Variants in FHIT observed in about 807,000 individuals in gnomAD.
The protein encoded by FHIT is bis(5'-adenosyl)-triphosphatase.
In FHIT, 19 loss-of-function variants were observed where a neutral mutation model predicts 17.9. That is an observed-to-expected ratio of 1.06 (90% CI 0.74 to 1.56). The LOEUF (loss-of-function observed/expected upper bound fraction) is 1.56. FHIT is among the 40% of genes most tolerant of loss of function. The pLI is 0.00. For missense variants in FHIT, 248 were observed against 189.2 expected, an observed-to-expected ratio of 1.31 and a Z score of -1.82; for synonymous variants, 81 against 69.7, an observed-to-expected ratio of 1.16 and a Z score of -0.81.
chr3:61,217,066 G>A (rs1012639529), intron 1 of FHIT, among the ~76,000 whole-genome samples: 3 of 151,994 alleles, frequency 2.0e-5, no homozygotes, highest in African/African-American at 7.3e-5. Context: ...AATGAGTGCA[G>A]CACACCAGCA....
intron 4 of FHIT, among the ~76,000 whole-genome samples, chr3:60,733,189 G>A (rs78937125): frequency 0.012 from 1,882 of 152,232 alleles, 28 homozygotes; most frequent in Admixed American, 0.045. Flanking sequence ...TGAAGACTGC[G>A]ACAAACCACT....
At chr3:61,230,339 G>A (rs1017034497) in intron 1 of FHIT, among the ~76,000 whole-genome samples, 2 of 152,064 alleles carry the variant, frequency 1.3e-5, no homozygotes, top group Admixed American at 1.3e-4. Context: ...TTGTGCAAAG[G>A]TGTATGGCAC....
At chr3:60,365,966 T>C (rs1308389362) in intron 5 of FHIT, among the ~76,000 whole-genome samples, 2 of 152,224 alleles carry the variant, frequency 1.3e-5, no homozygotes, top group Non-Finnish European at 2.9e-5. Context: ...TATTTAGAAA[T>C]CATTTTGCCT....
chr3:59,928,110 C>G (rs192122915), intron 7 of FHIT, among the ~76,000 whole-genome samples: 1 of 152,314 alleles, frequency 6.6e-6, no homozygotes, highest in East Asian at 1.9e-4. Context: ...CACCAGTTGG[C>G]CCTGTGTGAA....
At chr3:60,909,334 A>C (rs1575674791) in intron 3 of FHIT, among the ~76,000 whole-genome samples, 1 of 145,304 alleles carries the variant, frequency 6.9e-6, no homozygotes, top group South Asian at 2.1e-4. Context: ...ATGCCACTGC[A>C]CTCCAGTCTG....
chr3:60,063,094 A>G (rs1702359075), intron 5 of FHIT, among the ~76,000 whole-genome samples: 1 of 152,204 alleles, frequency 6.6e-6, no homozygotes, highest in Non-Finnish European at 1.5e-5. Context: ...CATCCTGTTA[A>G]GTAGGGCAAA....
chr3:60,882,410 T>G (rs1553758180), intron 3 of FHIT, among the ~76,000 whole-genome samples: 1 of 151,748 alleles, frequency 6.6e-6, no homozygotes, highest in Non-Finnish European at 1.5e-5. Flanking sequence ...CCAAGCCAGA[T>G]AAGGACACAA....
At chr3:61,036,984 T>C (rs1414005286) in intron 3 of FHIT, among the ~76,000 whole-genome samples, 1 of 149,540 alleles carries the variant, frequency 6.7e-6, no homozygotes, top group African/African-American at 2.5e-5. Flanking sequence ...CTATCTCCGC[T>C]CACTGCAAGC....
intron 5 of FHIT, among the ~76,000 whole-genome samples, chr3:60,438,209 G>A (rs2030447834): frequency 6.6e-6 from 1 of 151,986 alleles, no homozygotes; most frequent in Non-Finnish European, 1.5e-5. Flanking sequence ...ATGCACATGT[G>A]ATTTCACCTG....
chr3:60,041,373 A>G (rs1157977836), intron 5 of FHIT, among the ~76,000 whole-genome samples: 1 of 152,200 alleles, frequency 6.6e-6, no homozygotes, highest in East Asian at 1.9e-4. Context: ...TCTTGAGCCA[A>G]TGACTTCTTT....
At chr3:59,877,045 T>C (rs1020844932) in intron 8 of FHIT, among the ~76,000 whole-genome samples, 5 of 152,182 alleles carry the variant, frequency 3.3e-5, no homozygotes, top group Non-Finnish European at 7.3e-5. Flanking sequence ...GCTATACTAC[T>C]GTAGTTATTG....
chr3:60,246,360 G>C (rs1705396076), intron 5 of FHIT, among the ~76,000 whole-genome samples: 1 of 152,048 alleles, frequency 6.6e-6, no homozygotes, highest in African/African-American at 2.4e-5. Context: ...AATGGCAGAA[G>C]AGAAAAGGGG....
intron 4 of FHIT, among the ~76,000 whole-genome samples, chr3:60,600,362 T>TCA (rs1553668340): frequency 1.4e-3 from 206 of 151,940 alleles, no homozygotes; most frequent in African/African-American, 4.5e-3. Context: ...TTTTCATTTG[T>TCA]GTAAGAAAAA....
intron 4 of FHIT, among the ~76,000 whole-genome samples, chr3:60,705,553 G>A (rs948864245): frequency 2.6e-5 from 4 of 152,174 alleles, no homozygotes; most frequent in East Asian, 1.9e-4. Context: ...GAAATTCAAC[G>A]TTGGTCTCTA....
At chr3:60,978,499 G>A (rs753876913) in intron 3 of FHIT, among the ~76,000 whole-genome samples, 3 of 152,124 alleles carry the variant, frequency 2.0e-5, no homozygotes, top group African/African-American at 4.8e-5. Context: ...TCAGGGGCCT[G>A]CAGTAAAGAG....
At chr3:60,640,296 C>CTT (rs146786965) in intron 4 of FHIT, among the ~76,000 whole-genome samples, 3,532 of 151,352 alleles carry the variant, frequency 0.023, 75 homozygotes, top group South Asian at 0.044. Flanking sequence ...CCCCAATAAG[C>CTT]TTTTTTTTTC....
chr3:60,123,711 C>T (rs1379346796), intron 5 of FHIT, among the ~76,000 whole-genome samples: 1 of 151,736 alleles, frequency 6.6e-6, no homozygotes, highest in Non-Finnish European at 1.5e-5. Flanking sequence ...TTGTCAACTT[C>T]ATTTCTCTAA....
chr3:60,330,677 T>C (rs1172316870), intron 5 of FHIT, among the ~76,000 whole-genome samples: 1 of 152,214 alleles, frequency 6.6e-6, no homozygotes, highest in South Asian at 2.1e-4. Flanking sequence ...AAAAGATGTA[T>C]GTACAAGGTG....
At chr3:60,618,830 A>C (rs2039030688) in intron 4 of FHIT, among the ~76,000 whole-genome samples, 1 of 152,160 alleles carries the variant, frequency 6.6e-6, no homozygotes, top group Non-Finnish European at 1.5e-5. Flanking sequence ...TATAAGACAG[A>C]CTTGACCACT....
Sources: allele counts gnomAD v4.1 joint callset (sites outside exome capture counted in the v4.1 genomes callset), GRCh38; gene constraint gnomAD v4.1.1; transcripts MANE v1.5; gene names NCBI Gene and HGNC (gene_info 2026-07-23, HGNC 2026-07-21).